Variants in TRNT1 observed in about 807,000 individuals in gnomAD.
TRNT1 encodes tRNA nucleotidyl transferase 1.
Under a neutral mutation model 45.6 loss-of-function variants are expected in TRNT1, and 44 were observed. That is an observed-to-expected ratio of 0.97 (90% confidence interval 0.76 to 1.24). The LOEUF (loss-of-function observed/expected upper bound fraction) is 1.24, where lower values mean the gene tolerates loss of function less well. TRNT1 is among the 50% of genes most tolerant of loss of function. The pLI is 0.00. For synonymous variants in TRNT1, 201 were observed against 171.4 expected, an observed-to-expected ratio of 1.17 and a Z score of -1.35; for missense variants, 633 against 504.4, an observed-to-expected ratio of 1.25 and a Z score of -2.44.
downstream of TRNT1, chr3:3,152,423 GAAAA>G (rs11414437): frequency 6.1e-6 from 9 of 1,487,094 alleles, no homozygotes; most frequent in East Asian, 2.6e-5. Flanking sequence ...GGTAAAAAAA[GAAAA>G]AAAAAAGCAA....
At chr3:3,145,436 G>A (rs1430924332) in intron 5 of TRNT1, 1 of 151,452 alleles carries the variant, frequency 6.6e-6, no homozygotes, top group African/African-American at 2.4e-5. Flanking sequence ...CCGGGAGGCG[G>A]AGCTTGCAGT....
At chr3:3,137,530 C>G (rs1431131932) in intron 3 of TRNT1, 77 bp downstream of exon 3, 10 of 1,270,408 alleles carry the variant, frequency 7.9e-6, no homozygotes, top group African/African-American at 4.5e-5. Flanking sequence ...TAGTTAAAAG[C>G]AAATAACGAA....
In TRNT1 at chr3:3,129,282, T is replaced by C. The variant is rs4684375; in HGVS notation, c.148+94T>C. ...TAAGCCAGCATTCGGATATTTTCAT[T>C]GTTGTTTTAATTATTTTTATTAAAA... On this transcript the variant is annotated intron_variant, in intron 2 of 7. Coordinates refer to ENST00000251607, the MANE Select transcript of TRNT1 (RefSeq NM_182916.3). The C allele has an allele frequency of 0.14, 159,417 of 1,164,972 alleles. 11,914 individuals are homozygous for C. Among genetic ancestry groups the C allele is most frequent in the Admixed American group, 0.23 (10,121 of 44,716 alleles). 72.2% of individuals were successfully genotyped at this position (1,164,972 alleles called of 1,614,324 possible).
chr3:3,144,572 T>C lies in TRNT1; in HGVS notation c.482-12T>C, dbSNP rs1705863119. 1.9e-6 allele frequency: 3 copies of C among 1,572,184 alleles called. No homozygotes were observed. Among genetic ancestry groups the C allele is most frequent in the Non-Finnish European group, 1.7e-6 (2 of 1,157,778 alleles). On this transcript the variant is annotated splice_polypyrimidine_tract_variant and intron_variant, in intron 4 of 7. Coordinates refer to ENST00000251607, the MANE Select transcript of TRNT1 (RefSeq NM_182916.3). ...CAATAGTGATTTTTCTCCCTCCTTT[T>C]CTAATGAATAGGTTTTGATGGCACT...
At chr3:3,147,858 G>GT in intron 7 of TRNT1, 48 bp from the exon 8 acceptor site, 5 of 1,572,208 alleles carry the variant, frequency 3.2e-6, no homozygotes, top group Non-Finnish European at 4.3e-6. Context: ...GATTGTAAGT[G>GT]TATGTTTTCA....
chr3:3,127,783 C>T (rs1197790069), intron 1 of TRNT1: 3 of 152,132 alleles, frequency 2.0e-5, no homozygotes, highest in Non-Finnish European at 4.4e-5. Context: ...TGCCTGAAGC[C>T]CTGCTCTGGG....
At chr3:3,151,567 TTAAGA>T (rs1438196928), downstream of TRNT1, among the ~76,000 whole-genome samples, 1 of 152,108 alleles carries the variant, frequency 6.6e-6, no homozygotes, top group Admixed American at 6.6e-5. Flanking sequence ...TATTTTGTTC[TTAAGA>T]TAAACCATGT....
chr3:3,147,856 G>A (rs1460841489), intron 7 of TRNT1, 50 bp from the exon 8 acceptor site: 17 of 1,570,266 alleles, frequency 1.1e-5, no homozygotes, highest in East Asian at 6.7e-5. Context: ...AAGATTGTAA[G>A]TGTATGTTTT....
chr3:3,146,196 T>C lies in TRNT1; in HGVS notation c.609-234T>C, dbSNP rs544082087. Among the ~76,000 whole-genome samples the C allele has an allele frequency of 4.6e-5, 7 of 151,996 alleles. No homozygotes were observed. In the South Asian group the frequency reaches 1.0e-3, roughly 23 times the overall value. On this transcript the variant is annotated intron_variant, in intron 5 of 7. Transcript: ENST00000251607. ...GAGACCTTGAAGTTTTAGTTCTTGC[T>C]AACCTCAAAAAGGCTACTTATATTT...
chr3:3,140,459 T>C (rs766013635), intron 3 of TRNT1, 51 bp from the exon 4 acceptor site: 32 of 1,586,222 alleles, frequency 2.0e-5, no homozygotes, highest in Non-Finnish European at 2.8e-5. Context: ...AATTCAGTAG[T>C]ATGAAAACCT....
downstream of TRNT1, chr3:3,153,199 T>C (rs1706705179): frequency 4.2e-6 from 2 of 480,042 alleles, no homozygotes; most frequent in Admixed American, 3.7e-5. Flanking sequence ...TCAGTTGTTT[T>C]ACTTTACCAT....
chr3:3,148,185 CTGG>C lies in TRNT1; in HGVS notation c.*33_*35del. On this transcript the variant is annotated 3_prime_UTR_variant, in exon 8 of 8. Coordinates refer to ENST00000251607, the MANE Select transcript of TRNT1 (RefSeq NM_182916.3). The stretch of plus-strand genomic sequence containing the variant: ...ATGGCTACTAAAAAGCAGAGCATTT[CTGG>C]TAAGACTAAATTTTCTCCCCTCCCT... 1.3e-6 allele frequency: 2 copies of C among 1,599,274 alleles called. No homozygotes were observed. The highest frequency in any genetic ancestry group is 1.7e-6 in the Non-Finnish European group (2 of 1,174,008).
intron 3 of TRNT1, among the ~76,000 whole-genome samples, chr3:3,138,903 G>A (rs1261441709): frequency 2.6e-5 from 4 of 152,126 alleles, no homozygotes; most frequent in Non-Finnish European, 5.9e-5. Flanking sequence ...CTGTATCTGA[G>A]GGCTTTATTG....
chr3:3,145,196 C>T (rs1705918147), intron 5 of TRNT1: 1 of 152,448 alleles, frequency 6.6e-6, no homozygotes, highest in African/African-American at 2.4e-5. Context: ...AGAATCAAAG[C>T]ATAAAGACAT....
At chr3:3,139,660 G>A (rs1705526002) in intron 3 of TRNT1, among the ~76,000 whole-genome samples, 1 of 152,180 alleles carries the variant, frequency 6.6e-6, no homozygotes, top group Non-Finnish European at 1.5e-5. Flanking sequence ...ACCCTAACAT[G>A]AAGTTACTCA....
chr3:3,146,817 C>T (rs1012214632), intron 6 of TRNT1, among the ~76,000 whole-genome samples, 194 bp downstream of exon 6: 1 of 152,090 alleles, frequency 6.6e-6, no homozygotes, highest in African/African-American at 2.4e-5. Flanking sequence ...GCTTGTGGTG[C>T]TTGTAGAGTA....
intron 4 of TRNT1, among the ~76,000 whole-genome samples, chr3:3,143,317 A>C (rs937233070): frequency 2.6e-5 from 4 of 152,200 alleles, no homozygotes; most frequent in Non-Finnish European, 5.9e-5. Flanking sequence ...TGGTCACTCT[A>C]CTAATTAATA....
At position 3,147,501 on chromosome 3, in the gene TRNT1, T is replaced by A; in HGVS notation, c.854T>A (p.Val285Asp). Reference protein sequence around the residue: ...LEEFDKVSKNVDGFSPKPVTL... With the variant: ...LEEFDKVSKNDDGFSPKPVTL... ...GAATTTGACAAAGTCAGTAAAAATG[T>A]TGATGGTTTTTCACCAAAGCCAGTG... Residue 285 changes from valine to aspartate, a missense_variant, in exon 7 of 8, where the codon GTT becomes GAT. By Grantham distance (152) the Val-to-Asp change is radical. Coordinates refer to ENST00000251607, the MANE Select transcript of TRNT1 (RefSeq NM_182916.3). The A allele has an allele frequency of 6.2e-7, 1 of 1,613,852 alleles. No homozygotes were observed. Among genetic ancestry groups the A allele is most frequent in the Non-Finnish European group, 8.5e-7 (1 of 1,179,816 alleles).
rs139050872 is a variant in TRNT1, at chr3:3,133,786, G to C, written c.149-3474G>C. On this transcript the variant is annotated intron_variant, in intron 2 of 7. Coordinates refer to ENST00000251607, the MANE Select transcript of TRNT1 (RefSeq NM_182916.3). ...ACTGATCACTCTCTTGAAGTCCGGA[G>C]CTCTTAGAACAGATGGTCTGTTTTT... Among the ~76,000 whole-genome samples, 139 of 152,154 alleles carry C rather than the reference G, an allele frequency of 9.1e-4. 2 individuals are homozygous for C. In the East Asian group the frequency reaches 0.023, roughly 25 times the overall value.
Sources: gnomAD v4.1 joint callset for allele counts (sites outside exome capture counted in the v4.1 genomes callset) on GRCh38, gnomAD v4.1.1 for gene constraint, MANE v1.5 for transcripts, NCBI Gene and HGNC (gene_info 2026-07-23, HGNC 2026-07-21) for gene names.